XDH: variants seen among roughly 807,000 people sequenced by gnomAD.
XDH encodes xanthine dehydrogenase, also known as xanthine dehydrogenase/oxidase.
Under a neutral mutation model 156.1 loss-of-function variants are expected in XDH, and 138 were observed. The observed-to-expected ratio is 0.88, with a 90% CI of 0.77 to 1.02. The LOEUF (loss-of-function observed/expected upper bound fraction) is 1.02. Among genes scored for constraint, XDH ranks in the 50% least tolerant of loss-of-function variants. XDH has a pLI of 0.00. For missense variants in XDH, 1,849 were observed against 1,684.9 expected, an observed-to-expected ratio of 1.10 and a Z score of -1.71; for synonymous variants, 669 against 625.7, an observed-to-expected ratio of 1.07 and a Z score of -1.03.
At chr2:31,390,064 T>C (rs1346483630) in intron 6 of XDH, among the ~76,000 whole-genome samples, 7 of 152,216 alleles carry the variant, frequency 4.6e-5, no homozygotes, top group Non-Finnish European at 1.5e-5. Flanking sequence ...CTCTTGGTGT[T>C]GTACATTCCA....
chr2:31,383,198 G>C, intron 10 of XDH, 46 bp from the exon 11 acceptor site: 1 of 1,613,850 alleles, frequency 6.2e-7, no homozygotes. Context: ...CCACAGTTCA[G>C]AAGAGGCTTT....
chr2:31,377,133 T>C lies in XDH; in HGVS notation c.1347A>G (p.Val449=). 6.2e-7 allele frequency: 1 copy of C among 1,614,196 alleles called. No homozygotes were observed. The highest frequency in any genetic ancestry group is 1.1e-5 in the South Asian group (1 of 91,084). Residue 449 remains valine (V), a synonymous_variant, in exon 14 of 36, where the codon GTA becomes GTG. Transcript: ENST00000379416. ...RVLFKPGTTE[V]QELALCYGGM... ...CACCATAGCAAAGGGCCAGCTCCTG[T>C]ACCTCTGTGGTTCCTGGCTTGAATA...
At chr2:31,377,325 G>C (rs761003810) in intron 13 of XDH, 88 bp from the exon 14 acceptor site, 10 of 1,460,018 alleles carry the variant, frequency 6.8e-6, no homozygotes, top group Admixed American at 1.7e-5. Flanking sequence ...TATGAGGTGA[G>C]GTGAGGGGAT....
intron 24 of XDH, among the ~76,000 whole-genome samples, chr2:31,351,384 T>C (rs1348615166): frequency 6.6e-6 from 1 of 152,206 alleles, no homozygotes; most frequent in Non-Finnish European, 1.5e-5. Flanking sequence ...ATTTTCTCTT[T>C]TCCCTCCTGA....
chr2:31,403,973 A>G (rs1687129401), intron 2 of XDH, among the ~76,000 whole-genome samples: 1 of 152,192 alleles, frequency 6.6e-6, no homozygotes, highest in African/African-American at 2.4e-5. Flanking sequence ...ACAAAATTTA[A>G]AAACAATGAT....
intron 29 of XDH, 77 bp from the exon 30 acceptor site, chr2:31,346,920 A>T: frequency 6.3e-7 from 1 of 1,591,002 alleles, no homozygotes; most frequent in Non-Finnish European, 8.6e-7. Flanking sequence ...CGAGGGCCCC[A>T]GCAAGGCTAC....
At chr2:31,367,235 C>T (rs1457733478) in intron 20 of XDH, among the ~76,000 whole-genome samples, 1 of 152,212 alleles carries the variant, frequency 6.6e-6, no homozygotes, top group Non-Finnish European at 1.5e-5. Flanking sequence ...GAAATGCATC[C>T]AGTCCAAAGT....
Position 31,365,533 on chromosome 2 carries a change from G to A in XDH, c.2468C>T (p.Pro823Leu). Residue 823 changes from proline (P) to leucine (L), a missense_variant, in exon 23 of 36, where the codon CCT becomes CTT. By Grantham distance (98) the Pro-to-Leu change is moderately conservative. Coordinates refer to ENST00000379416, the MANE Select transcript of XDH (RefSeq NM_000379.4). ...VALAAYKTGR[P>L]VRCMLDRDED... The stretch of plus-strand genomic sequence containing the variant: ...ATCACGGTCCAGCATGCATCGCACA[G>A]GGCGGCCGGTCCTGGGGGTTACCGA... 6.2e-7 allele frequency: 1 copy of A among 1,614,168 alleles called. No individual in the cohort carries two copies. Among genetic ancestry groups the A allele is most frequent in the South Asian group, 1.1e-5 (1 of 91,080 alleles).
chr2:31,343,805 A>T (rs1001071178), intron 31 of XDH, among the ~76,000 whole-genome samples: 2 of 123,882 alleles, frequency 1.6e-5, no homozygotes, highest in African/African-American at 5.4e-5. Flanking sequence ...ATGTATAAAC[A>T]TATATATGCC....
At chr2:31,368,462 C>T in intron 19 of XDH, 79 bp downstream of exon 19, 1 of 1,578,004 alleles carries the variant, frequency 6.3e-7, no homozygotes. Context: ...TGCTCAAATC[C>T]CCTCCAGGGG....
At chr2:31,400,552 C>T (rs1687030210) in intron 4 of XDH, among the ~76,000 whole-genome samples, 1 of 152,182 alleles carries the variant, frequency 6.6e-6, no homozygotes, top group Non-Finnish European at 1.5e-5. Flanking sequence ...TTTCTTTCCA[C>T]TCAGCCTAAC....
chr2:31,343,302 A>ATATATATATATATATGCATGTT (rs1685175450), intron 31 of XDH, among the ~76,000 whole-genome samples: 2 of 111,148 alleles, frequency 1.8e-5, no homozygotes, highest in African/African-American at 6.8e-5. Flanking sequence ...ATATATATAT[A>ATATATATATATATATGCATGTT]TATATATATA....
chr2:31,365,334 C>T, intron 23 of XDH, 123 bp downstream of exon 23: 1 of 995,768 alleles, frequency 1.0e-6, no homozygotes, highest in Non-Finnish European at 1.6e-6. Context: ...CTTGCTATAT[C>T]TTATTTGAAC....
chr2:31,383,648 G>A (rs1686502621), intron 10 of XDH, 107 bp downstream of exon 10: 1 of 1,035,298 alleles, frequency 9.7e-7, no homozygotes, highest in South Asian at 1.4e-5. Flanking sequence ...GAGAAGCAGG[G>A]GGCAGCCAGA....
In XDH at chr2:31,366,049, T is replaced by G; in HGVS notation, c.2383A>C (p.Met795Leu). The stretch of plus-strand genomic sequence containing the variant: ...TCCTTGCCTCCAAAGCCTCCTCCCA[T>G]TCTCTTCACTCGAACCACAATCCGG... ...ANRIVVRVKR[M>L]GGGFGGKETR... The change falls in exon 22 of 36, where the codon ATG becomes CTG. Residue 795 changes from methionine to leucine, a missense_variant. Transcript: ENST00000379416. The G allele has an allele frequency of 6.2e-7, 1 of 1,614,188 alleles. No individual in the cohort carries two copies. Among genetic ancestry groups the G allele is most frequent in the Non-Finnish European group, 8.5e-7 (1 of 1,180,026 alleles).
chr2:31,407,420 T>C (rs1687223272), intron 1 of XDH, among the ~76,000 whole-genome samples: 1 of 152,182 alleles, frequency 6.6e-6, no homozygotes. Context: ...CTTGGAGGTC[T>C]TTAAATCATT....
chr2:31,351,149 T>G (rs757428754), intron 24 of XDH, among the ~76,000 whole-genome samples: 1 of 152,220 alleles, frequency 6.6e-6, no homozygotes, highest in Non-Finnish European at 1.5e-5. Context: ...TTTCCCAGTA[T>G]AGTTGTATTT....
chr2:31,386,479 T>C lies in XDH; in HGVS notation c.728A>G (p.Lys243Arg). The C allele has an allele frequency of 6.2e-7, 1 of 1,614,104 alleles. No individual in the cohort carries two copies. Among genetic ancestry groups the C allele is most frequent in the Non-Finnish European group, 8.5e-7 (1 of 1,180,006 alleles). ...CTGAGCCTTGAGGTCCAGCAGCTCCTTGAGGGTTGAGGCCTGTATCCACGT... is the reference window on the plus strand; with the variant it reads ...CTGAGCCTTGAGGTCCAGCAGCTCCCTGAGGGTTGAGGCCTGTATCCACGT... ...RVTWIQASTL[K>R]ELLDLKAQHP... The change falls in exon 9 of 36, where the codon AAG becomes AGG. Residue 243 changes from lysine (K) to arginine (R), a missense_variant. Physicochemically the swap from Lys to Arg is conservative, Grantham distance 26 (BLOSUM62 2). Transcript: ENST00000379416.
At chr2:31,347,451 C>A in intron 29 of XDH, 71 bp downstream of exon 29, 1 of 1,608,556 alleles carries the variant, frequency 6.2e-7, no homozygotes, top group South Asian at 1.1e-5. Context: ...CTAGCTCCCA[C>A]CCAGGGAGAC....
Sources: allele counts gnomAD v4.1 joint callset (sites outside exome capture counted in the v4.1 genomes callset), GRCh38; gene constraint gnomAD v4.1.1; transcripts MANE v1.5; gene names NCBI Gene and HGNC (gene_info 2026-07-23, HGNC 2026-07-21).